Variants in SAMD13 observed in about 807,000 individuals in gnomAD.
SAMD13 encodes sterile alpha motif domain-containing protein 13.
A neutral mutation model predicts 12.4 loss-of-function variants in SAMD13; 9 were observed. The observed-to-expected ratio is 0.72, with a 90% CI of 0.44 to 1.26. The LOEUF is 1.26. SAMD13 is among the 50% of genes most tolerant of loss of function. SAMD13 has a pLI of 0.00. For synonymous variants in SAMD13, 46 were observed against 45.4 expected (o/e 1.01, Z -0.05); for missense variants, 84 against 119.6 (o/e 0.70, Z 1.39).
chr1:84,335,411 T>A lies in SAMD13; in HGVS notation c.165+9663T>A, dbSNP rs188117341. ...CATTTGTTAGGTTGATTTTTCATCA[T>A]CCCTTTACTTTGAGCCTGTGCGTGT... On this transcript the variant is annotated intron_variant, in intron 3 of 3. Transcript: ENST00000394834. Among the ~76,000 whole-genome samples, 516 of 152,316 alleles carry A rather than the reference T, an allele frequency of 3.4e-3. 1 individual carries two copies. The highest frequency in any genetic ancestry group is 6.8e-3 in the Middle Eastern group (2 of 294).
intron 2 of SAMD13, among the ~76,000 whole-genome samples, chr1:84,311,357 A>AAAAGT (rs1427063223): frequency 6.6e-6 from 1 of 151,034 alleles, no homozygotes; most frequent in Non-Finnish European, 1.5e-5. Flanking sequence ...AAAAGAAAAG[A>AAAAGT]AAAGAAAAGA....
At chr1:84,341,688 T>C (rs1679429294) in intron 3 of SAMD13, among the ~76,000 whole-genome samples, 1 of 152,114 alleles carries the variant, frequency 6.6e-6, no homozygotes. Context: ...AGAAAGGGAC[T>C]GATAACCCTG....
chr1:84,331,328 TAAAAAAAAAA>T (rs1178046260), intron 3 of SAMD13, among the ~76,000 whole-genome samples: 1 of 15,174 alleles, frequency 6.6e-5, no homozygotes, highest in African/African-American at 2.2e-4. Context: ...CCCTCCTTGG[TAAAAAAAAAA>T]AAAAAAAAAA....
Position 84,325,634 on chromosome 1 carries a change from C to T in SAMD13, c.54-3C>T, listed in dbSNP as rs182945508. The T allele has an allele frequency of 3.3e-3, 5,138 of 1,579,686 alleles. 32 individuals are homozygous for T. Among genetic ancestry groups the T allele is most frequent in the Non-Finnish European group, 2.7e-3 (3,142 of 1,149,070 alleles). On this transcript the variant is annotated splice_polypyrimidine_tract_variant and splice_region_variant and intron_variant, in intron 2 of 3. Coordinates refer to ENST00000394834, the MANE Select transcript of SAMD13 (RefSeq NM_001134663.2). ...GACAACTGTCTGGATTTGTGTTTTG[C>T]AGTTCCATGGAAAATGGGAGACCAC... is the stretch of plus-strand genomic sequence containing the variant.
intron 2 of SAMD13, among the ~76,000 whole-genome samples, chr1:84,315,855 AT>A (rs1246601285): frequency 2.6e-5 from 4 of 152,080 alleles, no homozygotes; most frequent in African/African-American, 9.7e-5. Context: ...AAAGGTTATG[AT>A]TTATTCACAT....
intron 2 of SAMD13, among the ~76,000 whole-genome samples, chr1:84,321,596 T>C (rs1462049368): frequency 1.3e-5 from 2 of 152,212 alleles, no homozygotes; most frequent in African/African-American, 4.8e-5. Flanking sequence ...CTCTGGAATT[T>C]GATATGCATA....
rs573300894 is a variant in SAMD13 at position 84,303,327 on chromosome 1, A to C, written c.53+40A>C. Reference sequence around the variant, plus strand: ...CTTCTGAGTTCTGCTTCTGCAAACAACAGAGGGACTTAGTTTCTATTTTCG... The same window carrying C: ...CTTCTGAGTTCTGCTTCTGCAAACACCAGAGGGACTTAGTTTCTATTTTCG... On this transcript the variant is annotated intron_variant, in intron 2 of 3. Transcript: ENST00000394834. The C allele has an allele frequency of 2.7e-6, 4 of 1,490,344 alleles. No homozygotes were observed. The East Asian group carries it at 9.1e-5, about 34-fold the overall frequency. 92.3% of individuals were successfully genotyped at this position (1,490,344 alleles called of 1,614,324 possible).
chr1:84,299,387 A>G (rs993046586), upstream of SAMD13, among the ~76,000 whole-genome samples: 7 of 152,112 alleles, frequency 4.6e-5, no homozygotes, highest in African/African-American at 1.4e-4. Context: ...ATTTCAGCAT[A>G]TAATTTGGAG....
At chr1:84,311,395 A>G (rs1303243177) in intron 2 of SAMD13, among the ~76,000 whole-genome samples, 1 of 152,090 alleles carries the variant, frequency 6.6e-6, no homozygotes, top group Non-Finnish European at 1.5e-5. Context: ...ATATTTGACA[A>G]GCATTCCTTC....
intron 2 of SAMD13, among the ~76,000 whole-genome samples, chr1:84,309,906 T>G (rs1678671148): frequency 6.6e-6 from 1 of 152,172 alleles, no homozygotes. Context: ...GCAATTCTAA[T>G]CATTAGTGAG....
intron 3 of SAMD13, among the ~76,000 whole-genome samples, chr1:84,331,066 T>C (rs1679168693): frequency 6.6e-6 from 1 of 152,126 alleles, no homozygotes; most frequent in East Asian, 1.9e-4. Context: ...ATTGCTAACT[T>C]TGGATAAGTT....
At chr1:84,332,489 T>C (rs1311326819) in intron 3 of SAMD13, among the ~76,000 whole-genome samples, 5 of 152,212 alleles carry the variant, frequency 3.3e-5, no homozygotes, top group African/African-American at 9.6e-5. Flanking sequence ...ATCAACGATG[T>C]TGAGCATTTT....
At chr1:84,308,739 A>G (rs1414907013) in intron 2 of SAMD13, among the ~76,000 whole-genome samples, 2 of 152,180 alleles carry the variant, frequency 1.3e-5, no homozygotes, top group Admixed American at 1.3e-4. Flanking sequence ...CAAAAAGCAT[A>G]CGGGATTTTT....
chr1:84,321,053 A>G (rs1313967169), intron 2 of SAMD13, among the ~76,000 whole-genome samples: 1 of 152,160 alleles, frequency 6.6e-6, no homozygotes, highest in Non-Finnish European at 1.5e-5. Context: ...ACTTAAAATT[A>G]TGATGTGCCA....
intron 3 of SAMD13, among the ~76,000 whole-genome samples, chr1:84,342,316 T>C (rs570238461): frequency 1.3e-5 from 2 of 152,138 alleles, no homozygotes; most frequent in African/African-American, 2.4e-5. Flanking sequence ...AAGGCTAACA[T>C]TGAAAGACCC....
intron 2 of SAMD13, among the ~76,000 whole-genome samples, chr1:84,306,830 A>AAAT (rs56408257): frequency 0.86 from 123,623 of 144,258 alleles, 54,602 homozygotes; most frequent in Non-Finnish European, 0.98. Flanking sequence ...CTCCGTCTCA[A>AAAT]AATAATAATA....
chr1:84,301,138 C>T (rs924722980), upstream of SAMD13, among the ~76,000 whole-genome samples: 5 of 152,140 alleles, frequency 3.3e-5, no homozygotes, highest in Non-Finnish European at 5.9e-5. Flanking sequence ...GCATCCTTTC[C>T]GAAATATGTT....
chr1:84,316,765 T>C (rs555418031), intron 2 of SAMD13, among the ~76,000 whole-genome samples: 1 of 152,228 alleles, frequency 6.6e-6, no homozygotes, highest in African/African-American at 2.4e-5. Flanking sequence ...CATTAGGATT[T>C]TGATGGGGAT....
chr1:84,340,839 G>C (rs1056848840), intron 3 of SAMD13, among the ~76,000 whole-genome samples: 3 of 152,148 alleles, frequency 2.0e-5, no homozygotes, highest in Non-Finnish European at 2.9e-5. Context: ...TATTTCTGGG[G>C]GTGTCTGTGG....
Sources: gnomAD v4.1 joint callset for allele counts (sites outside exome capture counted in the v4.1 genomes callset) on GRCh38, gnomAD v4.1.1 for gene constraint, MANE v1.5 for transcripts, NCBI Gene and HGNC (gene_info 2026-07-23, HGNC 2026-07-21) for gene names.